Variants in TENM2 observed in about 807,000 individuals in gnomAD.
TENM2 encodes teneurin transmembrane protein 2, also known as teneurin-2.
Under a neutral mutation model 245.2 loss-of-function variants are expected in TENM2, and 52 were observed. The observed-to-expected ratio is 0.21, with a 90% confidence interval of 0.17 to 0.27. The LOEUF (loss-of-function observed/expected upper bound fraction) is 0.27, where lower values mean the gene tolerates loss of function less well. TENM2 is among the 10% of genes least tolerant of loss of function. The pLI, the probability that TENM2 is intolerant of heterozygous loss-of-function variation, is 1.00. For synonymous variants in TENM2, 1,363 were observed against 1,438.9 expected, an observed-to-expected ratio of 0.95 and a Z score of 1.19; for missense variants, 3,046 against 3,666.8, an observed-to-expected ratio of 0.83 and a Z score of 4.37.
intron 18 of TENM2, 119 bp from the exon 21 acceptor site, chr5:168,204,253 G>A (rs944688736): frequency 9.0e-7 from 1 of 1,107,128 alleles, no homozygotes; most frequent in Non-Finnish European, 1.3e-6. Flanking sequence ...GAAGAAGTTG[G>A]AGAGCTCCCC....
intron 19 of TENM2, among the ~76,000 whole-genome samples, chr5:168,207,417 G>A (rs1415357936): frequency 6.6e-6 from 1 of 152,178 alleles, no homozygotes; most frequent in African/African-American, 2.4e-5. Flanking sequence ...GTGACATTAG[G>A]ACAGCTTGAG....
At chr5:168,017,433 G>A (rs1047010291) in intron 5 of TENM2, among the ~76,000 whole-genome samples, 19 of 152,142 alleles carry the variant, frequency 1.2e-4, no homozygotes, top group African/African-American at 2.4e-4. Context: ...GGAGCTCTTC[G>A]TGACAGACCA....
chr5:167,239,607 C>T, the TENM2 span, among the ~76,000 whole-genome samples: 2 of 152,154 alleles, frequency 1.3e-5, no homozygotes, highest in East Asian at 1.9e-4. Context: ...ACTTCCTCCC[C>T]CACTAGTAGT....
chr5:167,280,748 A>ATCTGTCTGTCTG (rs77482566), upstream of TENM2, among the ~76,000 whole-genome samples: 27 of 132,212 alleles, frequency 2.0e-4, no homozygotes, highest in East Asian at 4.6e-4. Flanking sequence ...CTGTCTGTCT[A>ATCTGTCTGTCTG]TCTGTCTGTC....
chr5:168,133,100 A>G (rs1249734144), intron 12 of TENM2, among the ~76,000 whole-genome samples: 1 of 152,250 alleles, frequency 6.6e-6, no homozygotes, highest in Non-Finnish European at 1.5e-5. Context: ...GGCAAATGAA[A>G]GGGTTGGATC....
At chr5:168,039,266 T>C (rs904491627) in intron 5 of TENM2, among the ~76,000 whole-genome samples, 1 of 152,184 alleles carries the variant, frequency 6.6e-6, no homozygotes, top group South Asian at 2.1e-4. Flanking sequence ...TTGTAGTCAG[T>C]GGTCTCACCG....
chr5:167,669,870 T>C (rs1018366248), intron 2 of TENM2, among the ~76,000 whole-genome samples: 4 of 151,920 alleles, frequency 2.6e-5, no homozygotes, highest in Non-Finnish European at 5.9e-5. Context: ...AGGTTTTTTT[T>C]TTTAAATAAA....
chr5:167,784,515 G>A (rs761429253), intron 2 of TENM2, among the ~76,000 whole-genome samples: 2 of 152,216 alleles, frequency 1.3e-5, no homozygotes, highest in Middle Eastern at 3.4e-3. Flanking sequence ...AACCTTAATT[G>A]TGATCACACA....
intron 19 of TENM2, among the ~76,000 whole-genome samples, chr5:168,209,357 C>T (rs1378287420): frequency 1.3e-5 from 2 of 152,314 alleles, no homozygotes; most frequent in Middle Eastern, 6.8e-3. Flanking sequence ...ATGAATTCTA[C>T]ATGGGGACTT....
chr5:167,033,750 A>G, the TENM2 span, among the ~76,000 whole-genome samples: 1 of 152,212 alleles, frequency 6.6e-6, no homozygotes, highest in Non-Finnish European at 1.5e-5. Flanking sequence ...AAGCATATCA[A>G]CATAAGTAAC....
At chr5:167,238,043 C>T in the TENM2 span, among the ~76,000 whole-genome samples, 5 of 148,944 alleles carry the variant, frequency 3.4e-5, no homozygotes, top group Admixed American at 1.3e-4. Flanking sequence ...AGAAGTGCTG[C>T]ATCACCAACT....
chr5:167,026,681 G>A, the TENM2 span, among the ~76,000 whole-genome samples: 1 of 152,288 alleles, frequency 6.6e-6, no homozygotes, highest in South Asian at 2.1e-4. Flanking sequence ...TCCCGGTGAG[G>A]CGTATAGACT....
intron 2 of TENM2, among the ~76,000 whole-genome samples, chr5:167,424,783 T>C (rs1423428103): frequency 1.3e-5 from 2 of 152,222 alleles, no homozygotes; most frequent in Admixed American, 6.5e-5. Context: ...TGAAGGTTTG[T>C]GCAGTTGTTA....
intron 13 of TENM2, among the ~76,000 whole-genome samples, chr5:168,163,934 C>T (rs1220866791): frequency 1.3e-5 from 2 of 152,072 alleles, no homozygotes; most frequent in East Asian, 3.9e-4. Flanking sequence ...ATCTTTTCTC[C>T]AGCTAAGGTG....
At chr5:168,025,897 G>C (rs546777762) in intron 5 of TENM2, among the ~76,000 whole-genome samples, 149 of 152,288 alleles carry the variant, frequency 9.8e-4, no homozygotes, top group African/African-American at 3.6e-3. Context: ...TTGGAATTAA[G>C]TCTCTCTGTG....
chr5:167,822,279 G>A (rs199927806), intron 2 of TENM2, among the ~76,000 whole-genome samples: 6 of 152,148 alleles, frequency 3.9e-5, no homozygotes, highest in Admixed American at 3.3e-4. Context: ...GCTGGTCTCC[G>A]TAGGACTGAG....
chr5:167,589,250 T>C (rs375670903), intron 2 of TENM2, among the ~76,000 whole-genome samples: 1 of 151,764 alleles, frequency 6.6e-6, no homozygotes, highest in South Asian at 2.1e-4. Flanking sequence ...GAGAATGATA[T>C]ATTTACCATT....
chr5:167,922,451 T>C (rs1001937617), intron 3 of TENM2, among the ~76,000 whole-genome samples: 1 of 152,178 alleles, frequency 6.6e-6, no homozygotes, highest in Non-Finnish European at 1.5e-5. Flanking sequence ...TCTTTCTGAC[T>C]CTGTGCTAGA....
At chr5:167,462,212 G>C (rs954819213) in intron 2 of TENM2, among the ~76,000 whole-genome samples, 9 of 117,728 alleles carry the variant, frequency 7.6e-5, no homozygotes, top group Non-Finnish European at 1.3e-4. Flanking sequence ...ACATGCAACA[G>C]GGGTATAACT....
Sources: gnomAD v4.1 joint callset for allele counts (sites outside exome capture counted in the v4.1 genomes callset) on GRCh38, gnomAD v4.1.1 for gene constraint, MANE v1.5 for transcripts, NCBI Gene and HGNC (gene_info 2026-07-23, HGNC 2026-07-21) for gene names.